The following RPS6KA2 variants were observed in gnomAD, a reference collection of about 807,000 sequenced individuals.
RPS6KA2 encodes ribosomal protein S6 kinase alpha-2.
Under a neutral mutation model 91.8 loss-of-function variants are expected in RPS6KA2, and 42 were observed. The ratio of observed to expected loss-of-function variants is 0.46; its 90% CI spans 0.36 to 0.59. The LOEUF is 0.59. RPS6KA2 is among the 20% of genes least tolerant of loss of function. The pLI is 0.00. For synonymous variants in RPS6KA2, 414 were observed against 393.6 expected (o/e 1.05, Z -0.61); for missense variants, 798 against 978.5 (o/e 0.82, Z 2.46).
chr6:166,602,903 C>T (rs1211116072), intron 1 of RPS6KA2, among the ~76,000 whole-genome samples: 1 of 152,114 alleles, frequency 6.6e-6, no homozygotes, highest in East Asian at 1.9e-4. Context: ...TTGAAAAGGG[C>T]TCAAGTCAAT....
At chr6:166,819,365 G>C (rs1258776563) in intron 2 of RPS6KA2, among the ~76,000 whole-genome samples, 4 of 152,092 alleles carry the variant, frequency 2.6e-5, no homozygotes, top group Non-Finnish European at 5.9e-5. Flanking sequence ...TTGTACCTCA[G>C]GGTCTGTTGG....
At position 166,853,218 on chromosome 6, in the gene RPS6KA2, C is replaced by G. The variant is rs75459240; in HGVS notation, c.123+4982G>C. Among the ~76,000 whole-genome samples, 670 of 152,282 alleles carry G rather than the reference C, an allele frequency of 4.4e-3. 3 individuals carry two copies. Among genetic ancestry groups the G allele is most frequent in the Admixed American group, 6.7e-3 (103 of 15,298 alleles). Reference sequence around the variant, plus strand: ...CTTTGGGAGGCCAAGGCGAGAGGATCGTTTGAGTTCAGGGGCTCGAGACCA... The same window carrying G: ...CTTTGGGAGGCCAAGGCGAGAGGATGGTTTGAGTTCAGGGGCTCGAGACCA... On this transcript the variant is annotated intron_variant, in intron 2 of 21. Coordinates refer to the RPS6KA2 transcript ENST00000503859.
At chr6:166,668,390 G>C (rs906719134) in intron 2 of RPS6KA2, among the ~76,000 whole-genome samples, 2 of 152,178 alleles carry the variant, frequency 1.3e-5, no homozygotes, top group Non-Finnish European at 2.9e-5. Context: ...CAAGCCACAA[G>C]AGCGTCAGAC....
rs142095086 is a variant in RPS6KA2, at chr6:166,419,584, A to G, written c.1820+298T>C. On this transcript the variant is annotated intron_variant, in intron 18 of 20. Transcript: ENST00000265678. This position sits in a 1 kb window ranked among gnomAD's most constrained non-coding sequence, Gnocchi z 5.6. ...GGCACATCTGTTGCTACCTTTTAAA[A>G]CAGTGGCAGGTGCAGCAGAGAGAAT... Among the ~76,000 whole-genome samples the G allele has an allele frequency of 6.6e-6, 1 of 152,362 alleles. No individual in the cohort carries two copies. The highest frequency in any genetic ancestry group is 2.4e-5 in the African/African-American group (1 of 41,574).
intron 2 of RPS6KA2, among the ~76,000 whole-genome samples, chr6:166,780,024 G>C (rs893579418): frequency 6.6e-6 from 1 of 152,202 alleles, no homozygotes; most frequent in Non-Finnish European, 1.5e-5. Context: ...ATGGGAGATA[G>C]GGAAAGGCCT....
chr6:166,513,934 C>G (rs903434929), intron 3 of RPS6KA2, among the ~76,000 whole-genome samples: 2 of 152,174 alleles, frequency 1.3e-5, no homozygotes, highest in Non-Finnish European at 2.9e-5. Context: ...TCAGAAGGCT[C>G]TCCTGCAGAA....
In RPS6KA2 at chr6:166,713,065, T is replaced by A. The variant is rs560058609; in HGVS notation, c.123+145135A>T. 1.0e-3 allele frequency among the ~76,000 whole-genome samples: 155 copies of A among 152,278 alleles called. 1 individual carries two copies. The highest frequency in any genetic ancestry group is 1.8e-3 in the Non-Finnish European group (124 of 68,016). ...GACACGTCTGTCCCTGGAGGTGGCG[T>A]CCTTCCCCATGCTTCTTCCCAAGGT... On this transcript the variant is annotated intron_variant, in intron 2 of 21. Coordinates refer to the RPS6KA2 transcript ENST00000503859.
At chr6:166,475,495 C>T (rs1780938608) in intron 10 of RPS6KA2, among the ~76,000 whole-genome samples, 1 of 152,200 alleles carries the variant, frequency 6.6e-6, no homozygotes, top group Non-Finnish European at 1.5e-5. Context: ...GGCCCCTCCC[C>T]CCACACCCCG....
intron 2 of RPS6KA2, among the ~76,000 whole-genome samples, chr6:166,680,670 A>T (rs892567528): frequency 6.6e-6 from 1 of 152,216 alleles, no homozygotes; most frequent in Non-Finnish European, 1.5e-5. Flanking sequence ...TTGCAGCTTC[A>T]TTCCTAAAGT....
intron 1 of RPS6KA2, among the ~76,000 whole-genome samples, chr6:166,558,007 T>G (rs1414400957): frequency 6.6e-6 from 1 of 152,046 alleles, no homozygotes; most frequent in East Asian, 1.9e-4. Flanking sequence ...TGTATGTGTA[T>G]ATATAGGTGT....
chr6:166,766,633 TTATAAG>T (rs1364886583), intron 2 of RPS6KA2, among the ~76,000 whole-genome samples: 1 of 152,192 alleles, frequency 6.6e-6, no homozygotes, highest in East Asian at 1.9e-4. Context: ...AAAAAGACAT[TTATAAG>T]TATGGCCTCA....
chr6:166,760,256 A>G (rs147412572), intron 2 of RPS6KA2, among the ~76,000 whole-genome samples: 8 of 152,328 alleles, frequency 5.3e-5, no homozygotes, highest in Non-Finnish European at 1.0e-4. Context: ...CTGGTGAACA[A>G]ATATTTCCTT....
intron 2 of RPS6KA2, among the ~76,000 whole-genome samples, chr6:166,822,255 G>T (rs562305783): frequency 6.6e-6 from 1 of 152,218 alleles, no homozygotes; most frequent in South Asian, 2.1e-4. Flanking sequence ...GCCTCAGAAT[G>T]TGCCTGTGTC....
In RPS6KA2 at chr6:166,726,501, G is replaced by A. The variant is rs1239063682; in HGVS notation, c.123+131699C>T. ...ATTCCCCAAGTCAGAGACATGGAAG[G>A]GAAATGAAAGAAGGACATGCATCCT... On this transcript the variant is annotated intron_variant, in intron 2 of 21. Coordinates refer to the RPS6KA2 transcript ENST00000503859. This position sits in a 1 kb window ranked among gnomAD's most constrained non-coding sequence, Gnocchi z 4.4. Among the ~76,000 whole-genome samples the A allele has an allele frequency of 6.6e-6, 1 of 152,160 alleles. No individual in the cohort carries two copies. The highest frequency in any genetic ancestry group is 6.5e-5 in the Admixed American group (1 of 15,282).
chr6:166,552,453 G>C (rs1462157917), intron 1 of RPS6KA2, among the ~76,000 whole-genome samples: 1 of 152,178 alleles, frequency 6.6e-6, no homozygotes, highest in Non-Finnish European at 1.5e-5. Context: ...ATGTGGGCTT[G>C]AGAACTTTCT....
chr6:166,862,703 C>CGGGGGGGG (rs34038936), upstream of RPS6KA2: 1 of 123,152 alleles, frequency 8.1e-6, no homozygotes, highest in African/African-American at 4.0e-5. Flanking sequence ...GCTGGGGAGG[C>CGGGGGGGG]GGGGGGGGGG....
At chr6:166,499,276 A>G (rs906678004) in intron 7 of RPS6KA2, among the ~76,000 whole-genome samples, 19 of 152,342 alleles carry the variant, frequency 1.2e-4, no homozygotes, top group African/African-American at 4.1e-4. Flanking sequence ...CAGGGCCCCC[A>G]AGTCTTGGGG....
intron 2 of RPS6KA2, among the ~76,000 whole-genome samples, chr6:166,714,045 C>A (rs1045008932): frequency 6.6e-6 from 1 of 152,208 alleles, no homozygotes; most frequent in Non-Finnish European, 1.5e-5. Flanking sequence ...TTGGGTTAGG[C>A]TTCCCCACAC....
intron 2 of RPS6KA2, among the ~76,000 whole-genome samples, chr6:166,845,953 A>T (rs948662132): frequency 5.9e-5 from 9 of 152,180 alleles, no homozygotes; most frequent in Non-Finnish European, 1.2e-4. Flanking sequence ...TAAAATCAAT[A>T]GATCATTAGC....
Sources: allele counts gnomAD v4.1 joint callset (sites outside exome capture counted in the v4.1 genomes callset), GRCh38; gene constraint gnomAD v4.1.1; non-coding constraint Gnocchi (gnomAD v3.1); transcripts MANE v1.5; gene names NCBI Gene and HGNC (gene_info 2026-07-23, HGNC 2026-07-21).